FBN3: variants seen among roughly 807,000 people sequenced by gnomAD.
FBN3 encodes the protein fibrillin-3.
FBN3 carries 234 observed loss-of-function variants against 330.1 expected under a neutral mutation model. That is an observed-to-expected ratio of 0.71 (90% confidence interval 0.64 to 0.79). The LOEUF is 0.79. FBN3 is among the 30% of genes least tolerant of loss of function. FBN3 has a pLI of 0.00. For synonymous variants in FBN3, 1,458 were observed against 1,517.3 expected (o/e 0.96, Z 0.91); for missense variants, 3,606 against 3,886.9 (o/e 0.93, Z 1.92).
chr19:8,109,551 A>C lies in FBN3; in HGVS notation c.4456+80T>G. On this transcript the variant is annotated intron_variant, in intron 35 of 63. Transcript: ENST00000600128. The surrounding 1 kb of genome is among the most constrained non-coding windows in gnomAD (Gnocchi z 5.2). ...AGCAGGTAGATTTGAACACGTTGAC[A>C]TCTGAGTTAACCCAGTGGGGCAATC... is the stretch of plus-strand genomic sequence containing the variant. The C allele has an allele frequency of 2.6e-6, 4 of 1,548,228 alleles. No individual in the cohort carries two copies. Among genetic ancestry groups the C allele is most frequent in the Non-Finnish European group, 3.5e-6 (4 of 1,141,476 alleles).
At chr19:8,078,056 C>T (rs1334966225) in intron 59 of FBN3, among the ~76,000 whole-genome samples, 9 of 152,054 alleles carry the variant, frequency 5.9e-5, no homozygotes, top group African/African-American at 1.2e-4. Context: ...CCAGCCTGGG[C>T]GACAGAGCAA....
At chr19:8,078,820 C>T (rs1339927752) in intron 59 of FBN3, among the ~76,000 whole-genome samples, 3 of 148,334 alleles carry the variant, frequency 2.0e-5, no homozygotes, top group Non-Finnish European at 4.4e-5. Flanking sequence ...CTTGCTCTGT[C>T]CCCTAGGCTG....
intron 53 of FBN3, among the ~76,000 whole-genome samples, chr19:8,087,598 ATTTTTTTT>A (rs35631767): frequency 3.0e-4 from 23 of 75,454 alleles, no homozygotes; most frequent in African/African-American, 1.3e-3. Context: ...GCATTGCAGG[ATTTTTTTT>A]TTTTTTTTTT....
At chr19:8,105,079 C>T (rs1253850122) in intron 38 of FBN3, among the ~76,000 whole-genome samples, 12 of 151,806 alleles carry the variant, frequency 7.9e-5, no homozygotes, top group African/African-American at 2.7e-4. Context: ...CTCAGCCTCC[C>T]GAGTAGCTGG....
At chr19:8,145,122 C>G in intron 5 of FBN3, 150 bp from the exon 6 acceptor site, 1 of 705,412 alleles carries the variant, frequency 1.4e-6, no homozygotes, top group Non-Finnish European at 2.4e-6. Flanking sequence ...GCCTGTAATC[C>G]GAGCGCTTTG....
In FBN3 at chr19:8,117,489, G is replaced by A; in HGVS notation, c.3438C>T (p.Ser1146=). The part of the protein sequence containing the change: ...FQCSCHAGFQ[S]TPDRQGCVDI... Reference sequence around the variant, plus strand: ...CCACGCAGCCCTGGCGGTCAGGTGTGCTCTGGAAGCCGGCATGGCAGGAGC... The same window carrying A: ...CCACGCAGCCCTGGCGGTCAGGTGTACTCTGGAAGCCGGCATGGCAGGAGC... Residue 1146 remains serine (S), a synonymous_variant, in exon 27 of 64, where the codon AGC becomes AGT. Coordinates refer to ENST00000600128, the MANE Select transcript of FBN3 (RefSeq NM_032447.5). 1.9e-6 allele frequency: 3 copies of A among 1,560,476 alleles called. No homozygotes were observed. In the East Asian group the frequency reaches 7.2e-5, roughly 37 times the overall value.
rs1437819278 is a variant in FBN3 at position 8,093,796 on chromosome 19, C to CAA, written c.5905+648_5905+649dup. Among the ~76,000 whole-genome samples, 4 of 59,114 alleles carry CAA rather than the reference C, an allele frequency of 6.8e-5. No individual in the cohort carries two copies. In the East Asian group the frequency reaches 9.3e-3, roughly 138 times the overall value. The allele number at this position is 59,114 out of a possible 152,430, so 38.8% of individuals were successfully genotyped here. A position where few individuals can be genotyped will look rare whatever the true frequency, so the allele number is the denominator to read the frequency against. Reference sequence around the variant, plus strand: ...AAACAAACAAACAAACAAAACAAAACAACAACAAAAAAAGGATAGATCAGA... The same window carrying CAA: ...AAACAAACAAACAAACAAAACAAAACAAAACAACAAAAAAAGGATAGATCAGA... On this transcript the variant is annotated intron_variant, in intron 47 of 63. Transcript: ENST00000600128.
intron 55 of FBN3, 86 bp downstream of exon 55, chr19:8,086,113 TG>T (rs1350993888): frequency 1.5e-6 from 1 of 650,426 alleles, no homozygotes; most frequent in Non-Finnish European, 2.0e-6. Context: ...GGGCAGGCAG[TG>T]GGGGGAACAG....
chr19:8,093,178 G>A (rs930696021), intron 47 of FBN3, among the ~76,000 whole-genome samples: 13 of 152,122 alleles, frequency 8.5e-5, no homozygotes, highest in Non-Finnish European at 1.6e-4. Flanking sequence ...GTTGTACTAA[G>A]CTAGCCCAAA....
At chr19:8,097,172 C>T in intron 42 of FBN3, 117 bp downstream of exon 42, 5 of 1,478,806 alleles carry the variant, frequency 3.4e-6, no homozygotes, top group Non-Finnish European at 1.8e-6. Flanking sequence ...AGGTGTTAGC[C>T]CATTATACAT....
rs1183754268 is a variant in FBN3, at chr19:8,085,470, C to G, written c.6980G>C (p.Gly2327Ala). 1 of 1,586,612 alleles carries G rather than the reference C, an allele frequency of 6.3e-7. No individual in the cohort carries two copies. Among genetic ancestry groups the G allele is most frequent in the Non-Finnish European group, 8.6e-7 (1 of 1,167,154 alleles). The change falls in exon 56 of 64, where the codon GGG becomes GCG. Residue 2327 changes from glycine to alanine, a missense_variant. By Grantham distance (60) the Gly-to-Ala change is moderately conservative. Coordinates refer to ENST00000600128, the MANE Select transcript of FBN3 (RefSeq NM_032447.5). ...EAVTRAECCC[G>A]GGRGWGPRCE... ...GCGGGGCCCCCAGCCCCGGCCACCC[C>G]CACAGCAGCACTCGGCCCTGGTGAC...
At chr19:8,126,954 C>T (rs1333281654) in intron 18 of FBN3, 122 bp from the exon 19 acceptor site, 5 of 1,097,634 alleles carry the variant, frequency 4.6e-6, no homozygotes, top group African/African-American at 3.2e-5. Context: ...GATGCACAAG[C>T]ATGCAGAGGG....
chr19:8,111,094 CCATCTCACATTCACAG>C lies in FBN3; in HGVS notation c.4158_4173del (p.Cys1387AlafsTer62). 1 of 1,613,702 alleles carries C rather than the reference CCATCTCACATTCACAG, an allele frequency of 6.2e-7. No homozygotes were observed. Among genetic ancestry groups the C allele is most frequent in the Non-Finnish European group, 8.5e-7 (1 of 1,179,782 alleles). ...CGGTGGTCCTCGGTGGGGTCAAAGCCCATCTCACATTCACAGCGGTACCCGCCGGGCGCATTGAGGC... is the reference window on the plus strand; with the variant it reads ...CGGTGGTCCTCGGTGGGGTCAAAGCCCGGTACCCGCCGGGCGCATTGAGGC... On this transcript the variant is annotated frameshift_variant, in exon 33 of 64. Coordinates refer to ENST00000600128, the MANE Select transcript of FBN3 (RefSeq NM_032447.5). LOFTEE classifies it high-confidence loss of function.
rs1442072233 is a variant in FBN3, at chr19:8,130,612, GAAA to G, written c.2044+620_2044+622del. ...AGAAAGAAAGAAAGAAAGAAAGAAA[GAAA>G]GAAAGAAAGAAAGAAAGAAAGAAAG... is the stretch of plus-strand genomic sequence containing the variant. On this transcript the variant is annotated intron_variant, in intron 16 of 63. Transcript: ENST00000600128. Among the ~76,000 whole-genome samples, 54 of 6,786 alleles carry G rather than the reference GAAA, an allele frequency of 8.0e-3. 13 individuals carry two copies. Among genetic ancestry groups the G allele is most frequent in the Middle Eastern group, 0.062 (1 of 16 alleles). 4.5% of individuals were successfully genotyped at this position (6,786 alleles called of 152,430 possible).
intron 51 of FBN3, 24 bp downstream of exon 51, chr19:8,089,521 G>A: frequency 1.2e-6 from 2 of 1,613,510 alleles, no homozygotes; most frequent in South Asian, 1.1e-5. Context: ...CTGGGACAGA[G>A]CTGGGGAAGG....
At chr19:8,130,117 G>A (rs939360857) in intron 16 of FBN3, among the ~76,000 whole-genome samples, 2 of 151,824 alleles carry the variant, frequency 1.3e-5, no homozygotes, top group African/African-American at 2.4e-5. Context: ...AGGCTGGTGT[G>A]GAACTCCTGA....
At chr19:8,118,452 C>G (rs1033171318) in intron 26 of FBN3, among the ~76,000 whole-genome samples, 1 of 152,096 alleles carries the variant, frequency 6.6e-6, no homozygotes, top group African/African-American at 2.4e-5. Flanking sequence ...AGACTGGGAC[C>G]CTGTCTCAAA....
In FBN3 at chr19:8,119,035, G is replaced by A. The variant is rs1398423052; in HGVS notation, c.3212-13C>T. ...CACTCGTCCACGTCTGAAGGTTTGT[G>A]TGGAAAGAGAGAGCAGGCATGAAGG... On this transcript the variant is annotated splice_polypyrimidine_tract_variant and intron_variant, in intron 25 of 63. Coordinates refer to ENST00000600128, the MANE Select transcript of FBN3 (RefSeq NM_032447.5). 2 of 1,588,244 alleles carry A rather than the reference G, an allele frequency of 1.3e-6. No individual in the cohort carries two copies. The highest frequency in any genetic ancestry group is 1.7e-6 in the Non-Finnish European group (2 of 1,160,042).
chr19:8,126,488 GGGCTCCCCCA>G lies in FBN3; in HGVS notation c.2524_2533del (p.Trp842ProfsTer18). On this transcript the variant is annotated frameshift_variant, in exon 20 of 64. Transcript: ENST00000600128. LOFTEE classifies it high-confidence loss of function. The stretch of plus-strand genomic sequence containing the variant: ...ACTACCGATCTCGCAGCGTTCGCAG[GGGCTCCCCCA>G]GGCTGCCCCGAGGGTGGCGCAGCAC... 1 of 1,613,098 alleles carries G rather than the reference GGGCTCCCCCA, an allele frequency of 6.2e-7. No individual in the cohort carries two copies. Among genetic ancestry groups the G allele is most frequent in the Non-Finnish European group, 8.5e-7 (1 of 1,179,712 alleles).
Sources: gnomAD v4.1 joint callset for allele counts (sites outside exome capture counted in the v4.1 genomes callset) on GRCh38, gnomAD v4.1.1 for gene constraint, Gnocchi (gnomAD v3.1) non-coding constraint, MANE v1.5 for transcripts, NCBI Gene and HGNC (gene_info 2026-07-23, HGNC 2026-07-21) for gene names.